Variants in FRAS1 observed in about 807,000 individuals in gnomAD.
The protein encoded by FRAS1 is Fraser extracellular matrix complex subunit 1, also known as extracellular matrix organizing protein FRAS1.
FRAS1 carries 290 observed loss-of-function variants against 435.2 expected under a neutral mutation model. That is an observed-to-expected ratio of 0.67 (90% CI 0.61 to 0.73). The LOEUF (loss-of-function observed/expected upper bound fraction) is 0.73, where lower values mean the gene tolerates loss of function less well. FRAS1 is among the 30% of genes least tolerant of loss of function. The pLI is 0.00. For synonymous variants in FRAS1, 1,800 were observed against 1,851.0 expected (o/e 0.97, Z 0.71); for missense variants, 4,860 against 5,001.5 (o/e 0.97, Z 0.85).
At chr4:78,124,047 G>A (rs1021194472) in intron 2 of FRAS1, among the ~76,000 whole-genome samples, 1 of 152,138 alleles carries the variant, frequency 6.6e-6, no homozygotes, top group African/African-American at 2.4e-5. Flanking sequence ...TCCTTGTCTT[G>A]TGCCAGTTTT....
intron 29 of FRAS1, among the ~76,000 whole-genome samples, chr4:78,397,304 T>C (rs1456745013): frequency 1.3e-5 from 2 of 152,184 alleles, no homozygotes; most frequent in Non-Finnish European, 2.9e-5. Context: ...AGTCTTATGA[T>C]GGTATGTCTT....
rs1267356445 is a variant in FRAS1, at chr4:78,252,472, C to T, written c.390C>T (p.Cys130=). ...AAGTCCGATGTACCCCCCAACCATG[C>T]CCACCGCTGTCATGTGGACACCAGG... is the stretch of plus-strand genomic sequence containing the variant. ...HGEVRCTPQP[C]PPLSCGHQEL... is the part of the protein sequence containing the mutation. Residue 130 remains cysteine, a synonymous_variant, in exon 5 of 74, where the codon TGC becomes TGT. Transcript: ENST00000512123. 1.9e-6 allele frequency: 3 copies of T among 1,613,580 alleles called. No individual in the cohort carries two copies. In the African/African-American group the frequency reaches 4.0e-5, roughly 22 times the overall value.
intron 53 of FRAS1, among the ~76,000 whole-genome samples, chr4:78,475,220 C>T (rs1719820248): frequency 6.6e-6 from 1 of 152,176 alleles, no homozygotes; most frequent in African/African-American, 2.4e-5. Context: ...GCAGGGAAGA[C>T]GACATTCTGC....
At chr4:78,218,098 TCACACACACACACA>T (rs1553931228) in intron 2 of FRAS1, among the ~76,000 whole-genome samples, 4 of 39,738 alleles carry the variant, frequency 1.0e-4, no homozygotes, top group South Asian at 1.4e-3. Context: ...TCACTCTCTC[TCACACACACACACA>T]CACACACACA....
intron 2 of FRAS1, among the ~76,000 whole-genome samples, chr4:78,209,790 C>T (rs557549231): frequency 1.3e-5 from 2 of 152,304 alleles, no homozygotes; most frequent in Admixed American, 6.5e-5. Flanking sequence ...AAAATAACTG[C>T]TCTTAATTAA....
At chr4:78,194,920 T>C (rs1722731213) in intron 2 of FRAS1, among the ~76,000 whole-genome samples, 1 of 152,174 alleles carries the variant, frequency 6.6e-6, no homozygotes, top group African/African-American at 2.4e-5. Flanking sequence ...CCTTTGGTCT[T>C]TGATGGTGGT....
At chr4:78,363,006 T>A (rs1008193723) in intron 20 of FRAS1, among the ~76,000 whole-genome samples, 3 of 152,182 alleles carry the variant, frequency 2.0e-5, no homozygotes, top group Non-Finnish European at 4.4e-5. Context: ...TACTTTGGAC[T>A]TTTGGCCATG....
At position 78,529,885 on chromosome 4, in the gene FRAS1, A is replaced by G. The variant is rs116282526; in HGVS notation, c.10925+3228A>G. Reference sequence around the variant, plus strand: ...TTATTTCTGGAATTTTTTGTTTAATATTTTTGGACTATGGTAGGTCTTAGG... The same window carrying G: ...TTATTTCTGGAATTTTTTGTTTAATGTTTTTGGACTATGGTAGGTCTTAGG... On this transcript the variant is annotated intron_variant, in intron 70 of 73. Transcript: ENST00000512123. Among the ~76,000 whole-genome samples the G allele has an allele frequency of 8.5e-3, 1,289 of 152,248 alleles. 15 individuals are homozygous for G. The highest frequency in any genetic ancestry group is 0.03 in the African/African-American group (1,227 of 41,540).
Position 78,057,947 on chromosome 4 carries a change from T to G in FRAS1, c.-63T>G. 6.5e-7 allele frequency: 1 copy of G among 1,536,384 alleles called. No homozygotes were observed. Among genetic ancestry groups the G allele is most frequent in the Non-Finnish European group, 9.0e-7 (1 of 1,112,898 alleles). On this transcript the variant is annotated 5_prime_UTR_variant, in exon 1 of 74. Coordinates refer to ENST00000512123, the MANE Select transcript of FRAS1 (RefSeq NM_025074.7). The surrounding 1 kb of genome is among the most constrained non-coding windows in gnomAD (Gnocchi z 4.2). Reference sequence around the variant, plus strand: ...GGTTCCAAGCGCCGGAGCCAGCGTTTTGGCGGAGCCGCTTCTTGGATGCTG... The same window carrying G: ...GGTTCCAAGCGCCGGAGCCAGCGTTGTGGCGGAGCCGCTTCTTGGATGCTG...
chr4:78,322,780 A>G (rs1053359627), intron 18 of FRAS1, among the ~76,000 whole-genome samples: 4 of 152,212 alleles, frequency 2.6e-5, no homozygotes, highest in African/African-American at 9.7e-5. Flanking sequence ...GCTGGAGGAC[A>G]GTCTGTCTTT....
intron 2 of FRAS1, among the ~76,000 whole-genome samples, chr4:78,211,827 C>T (rs1030573463): frequency 2.0e-5 from 3 of 152,156 alleles, no homozygotes; most frequent in Non-Finnish European, 4.4e-5. Context: ...CAAACAGAAT[C>T]CCTGTAACCA....
At chr4:78,418,250 T>C (rs1035903635) in intron 32 of FRAS1, among the ~76,000 whole-genome samples, 1 of 152,240 alleles carries the variant, frequency 6.6e-6, no homozygotes, top group South Asian at 2.1e-4. Flanking sequence ...CTATTGTATG[T>C]GCTTTAATAA....
At chr4:78,489,788 T>A (rs6851452) in intron 59 of FRAS1, among the ~76,000 whole-genome samples, 1 of 151,794 alleles carries the variant, frequency 6.6e-6, no homozygotes, top group African/African-American at 2.4e-5. Context: ...CACTGTTACT[T>A]TGAGAGCAGG....
intron 2 of FRAS1, among the ~76,000 whole-genome samples, chr4:78,088,566 TCAAA>T (rs571614698): frequency 0.037 from 5,563 of 152,068 alleles, 324 homozygotes; most frequent in African/African-American, 0.13. Context: ...TACAATGAAC[TCAAA>T]CAAATTTCCA....
In FRAS1 at chr4:78,390,241, A is replaced by T. The variant is rs182836729; in HGVS notation, c.3975+2540A>T. ...TATGGGACCTTAATTTTTCTAATGG[A>T]GATTCTATTATGGGTGGAAGTTTTT... On this transcript the variant is annotated intron_variant, in intron 29 of 73. Transcript: ENST00000512123. 7.2e-5 allele frequency among the ~76,000 whole-genome samples: 11 copies of T among 152,248 alleles called. No homozygotes were observed. In the East Asian group the frequency reaches 2.1e-3, roughly 29 times the overall value.
rs892761878 is a variant in FRAS1, at chr4:78,115,573, C to G, written c.108+49557C>G. Among the ~76,000 whole-genome samples, 58 of 152,132 alleles carry G rather than the reference C, an allele frequency of 3.8e-4. 2 individuals carry two copies. The highest frequency in any genetic ancestry group is 1.3e-3 in the African/African-American group (55 of 41,502). On this transcript the variant is annotated intron_variant, in intron 2 of 73. Transcript: ENST00000512123. ...TTGGTCTTGGGAGGGTGTATGTGTC[C>G]AGGAATTTATCCATTTCTTCTAGAT... is the stretch of plus-strand genomic sequence containing the variant.
chr4:78,464,675 G>C (rs1719474387), intron 49 of FRAS1, 92 bp downstream of exon 49: 5 of 1,416,092 alleles, frequency 3.5e-6, no homozygotes, highest in Non-Finnish European at 2.9e-6. Flanking sequence ...CTGATGGTAG[G>C]GAGGAGCTGT....
At chr4:78,158,745 G>A (rs1440526286) in intron 2 of FRAS1, among the ~76,000 whole-genome samples, 3 of 152,098 alleles carry the variant, frequency 2.0e-5, no homozygotes, top group Non-Finnish European at 2.9e-5. Flanking sequence ...TTTTTTTGTA[G>A]CAAAACTAAG....
At chr4:78,306,732 C>G (rs1165135115) in intron 14 of FRAS1, among the ~76,000 whole-genome samples, 1 of 151,552 alleles carries the variant, frequency 6.6e-6, no homozygotes, top group Non-Finnish European at 1.5e-5. Context: ...TTAAGCACTT[C>G]TCTGTATTGG....
Sources: allele counts gnomAD v4.1 joint callset (sites outside exome capture counted in the v4.1 genomes callset), GRCh38; gene constraint gnomAD v4.1.1; non-coding constraint Gnocchi (gnomAD v3.1); transcripts MANE v1.5; gene names NCBI Gene and HGNC (gene_info 2026-07-23, HGNC 2026-07-21).